The following NFYA variants were observed in gnomAD, a reference collection of about 807,000 sequenced individuals.
NFYA encodes the protein CAAT-box DNA binding protein subunit A.
Under a neutral mutation model 52.8 loss-of-function variants are expected in NFYA, and 28 were observed. That is an observed-to-expected ratio of 0.53 (90% CI 0.39 to 0.73). The LOEUF (loss-of-function observed/expected upper bound fraction) is 0.73, where lower values mean the gene tolerates loss of function less well. Ranked by LOEUF, NFYA falls within the 30% of genes least tolerant of loss-of-function variation. The pLI is 0.00. For missense variants in NFYA, 234 were observed against 427.0 expected (o/e 0.55, Z 3.98); for synonymous variants, 150 against 150.7 (o/e 1.00, Z 0.03).
intron 1 of NFYA, among the ~76,000 whole-genome samples, chr6:41,076,295 G>A (rs936099389): frequency 1.3e-5 from 2 of 152,132 alleles, no homozygotes; most frequent in Non-Finnish European, 2.9e-5. Context: ...GTTGTATAAA[G>A]GTAAATGCTG....
In NFYA at chr6:41,089,599, A is replaced by G. The variant is rs1764148058; in HGVS notation, c.330A>G (p.Gly110=). ...GLQQIQLVPP[G]QIQIQGGQAV... ...TGCAGATACAGTTGGTCCCACCTGGACAGATCCAGATCCAGGGTGGACAGG... is the reference window on the plus strand; with the variant it reads ...TGCAGATACAGTTGGTCCCACCTGGGCAGATCCAGATCCAGGGTGGACAGG... The change falls in exon 5 of 10, where the codon GGA becomes GGG. Residue 110 remains glycine, a synonymous_variant. Transcript: ENST00000341376. 4.3e-6 allele frequency: 7 copies of G among 1,612,516 alleles called. No homozygotes were observed. Among genetic ancestry groups the G allele is most frequent in the Non-Finnish European group, 5.9e-6 (7 of 1,179,944 alleles).
intron 4 of NFYA, among the ~76,000 whole-genome samples, 188 bp from the exon 5 acceptor site, chr6:41,089,391 C>T (rs989521279): frequency 6.6e-6 from 1 of 152,202 alleles, no homozygotes; most frequent in East Asian, 1.9e-4. Flanking sequence ...CAGACAGTGT[C>T]GAAATTCCCT....
intron 9 of NFYA, among the ~76,000 whole-genome samples, chr6:41,096,697 G>A (rs904413040): frequency 3.9e-5 from 6 of 152,154 alleles, no homozygotes; most frequent in Admixed American, 1.3e-4. Flanking sequence ...TGGTTCTTGC[G>A]GAGTGTTGCA....
rs769282285 is a variant in NFYA, at chr6:41,093,471, CTTTT to C, written c.888+397_888+400del. ...AAAGGGAACAAGAAAGGTACCCTTT[CTTTT>C]TTTTTTTTTTCCTGAGACTCAGTCT... On this transcript the variant is annotated intron_variant, in intron 8 of 9. Coordinates refer to ENST00000341376, the MANE Select transcript of NFYA (RefSeq NM_002505.5). 5.6e-5 allele frequency among the ~76,000 whole-genome samples: 8 copies of C among 142,612 alleles called. No homozygotes were observed. The South Asian group carries it at 1.8e-3, about 32-fold the overall frequency. 93.6% of individuals were successfully genotyped at this position (142,612 alleles called of 152,430 possible).
chr6:41,086,314 AG>A (rs1764042812), intron 4 of NFYA, among the ~76,000 whole-genome samples: 1 of 152,212 alleles, frequency 6.6e-6, no homozygotes, highest in South Asian at 2.1e-4. Flanking sequence ...GATGATATCT[AG>A]GGTTCATTCT....
chr6:41,099,794 G>T lies in NFYA; in HGVS notation c.*2384G>T, dbSNP rs1162113201. On this transcript the variant is annotated 3_prime_UTR_variant, in exon 10 of 10. Coordinates refer to ENST00000341376, the MANE Select transcript of NFYA (RefSeq NM_002505.5). ...GTACATTGAACATGTCAGTGTCGAT[G>T]CCACTGGACCAACAGAGCATTTTGT... 1 of 151,256 alleles carries T rather than the reference G, an allele frequency of 6.6e-6. No homozygotes were observed. Among genetic ancestry groups the T allele is most frequent in the East Asian group, 1.9e-4 (1 of 5,152 alleles). 9.4% of individuals were successfully genotyped at this position (151,256 alleles called of 1,614,324 possible). A position where few individuals can be genotyped will look rare whatever the true frequency, so the allele number is the denominator to read the frequency against.
At chr6:41,074,768 A>G (rs1763686946) in intron 1 of NFYA, among the ~76,000 whole-genome samples, 1 of 152,200 alleles carries the variant, frequency 6.6e-6, no homozygotes, top group South Asian at 2.1e-4. Context: ...ATCTAGAGCT[A>G]TATTTTTTCC....
intron 1 of NFYA, among the ~76,000 whole-genome samples, chr6:41,076,921 T>C (rs1008443372): frequency 2.0e-5 from 3 of 152,218 alleles, no homozygotes; most frequent in Admixed American, 6.5e-5. Flanking sequence ...CACTCTGTCA[T>C]TAATGTGAGA....
chr6:41,095,327 G>A (rs1764317970), intron 9 of NFYA, among the ~76,000 whole-genome samples: 2 of 152,116 alleles, frequency 1.3e-5, no homozygotes, highest in Admixed American at 1.3e-4. Context: ...TTCCTGCCAC[G>A]GGTCTTTGTC....
intron 7 of NFYA, among the ~76,000 whole-genome samples, chr6:41,092,628 A>T (rs1346043949): frequency 6.6e-6 from 1 of 152,088 alleles, no homozygotes; most frequent in African/African-American, 2.4e-5. Flanking sequence ...TGACCATTAG[A>T]TGGCAGCAGA....
intron 4 of NFYA, among the ~76,000 whole-genome samples, chr6:41,086,438 TTC>T (rs1764045762): frequency 6.6e-6 from 1 of 152,200 alleles, no homozygotes. Context: ...AAAAAATATA[TTC>T]TGTTACGTAA....
chr6:41,078,936 A>G, intron 1 of NFYA, 93 bp from the exon 2 acceptor site: 1 of 576,978 alleles, frequency 1.7e-6, no homozygotes, highest in South Asian at 2.7e-5. Flanking sequence ...TTTTCTTGCA[A>G]ATAAAGTACA....
chr6:41,094,469 C>T lies in NFYA; in HGVS notation c.962C>T (p.Pro321Leu). 1 of 1,614,082 alleles carries T rather than the reference C, an allele frequency of 6.2e-7. No homozygotes were observed. Among genetic ancestry groups the T allele is most frequent in the Non-Finnish European group, 8.5e-7 (1 of 1,179,950 alleles). ...KRGEGGRFFS[P>L]KEKDSPHMQD... ...GGTGAAGGTGGACGATTTTTCTCTC[C>T]AAAGGAAAAGGATAGTCCCCATATG... The change falls in exon 9 of 10, where the codon CCA becomes CTA. Residue 321 changes from proline to leucine, a missense_variant. Transcript: ENST00000341376.
chr6:41,094,292 T>G (rs551676903), intron 8 of NFYA, 104 bp from the exon 9 acceptor site: 142 of 925,676 alleles, frequency 1.5e-4, no homozygotes, highest in Non-Finnish European at 2.0e-4. Flanking sequence ...CTTGTGACTT[T>G]GATCCCAGCT....
At chr6:41,097,133 G>T (rs1046349132) in intron 9 of NFYA, among the ~76,000 whole-genome samples, 1 of 152,158 alleles carries the variant, frequency 6.6e-6, no homozygotes, top group Admixed American at 6.5e-5. Context: ...TTTCACCATG[G>T]AGTGCAGGCC....
intron 1 of NFYA, among the ~76,000 whole-genome samples, chr6:41,076,917 G>T (rs1264427608): frequency 6.6e-6 from 1 of 152,132 alleles, no homozygotes; most frequent in Non-Finnish European, 1.5e-5. Flanking sequence ...AAATCACTCT[G>T]TCATTAATGT....
At chr6:41,089,027 C>T (rs918041254) in intron 4 of NFYA, among the ~76,000 whole-genome samples, 6 of 151,958 alleles carry the variant, frequency 3.9e-5, no homozygotes, top group Admixed American at 1.3e-4. Flanking sequence ...GCTCTGTCGC[C>T]CAGGCTGGAG....
At chr6:41,089,768 T>A (rs1764151938) in intron 5 of NFYA, 58 bp downstream of exon 5, 1 of 1,581,082 alleles carries the variant, frequency 6.3e-7, no homozygotes, top group Non-Finnish European at 8.6e-7. Flanking sequence ...GTCAGATAAC[T>A]GAGTCAGATA....
chr6:41,093,838 C>G (rs1004481318), intron 8 of NFYA, among the ~76,000 whole-genome samples: 3 of 152,178 alleles, frequency 2.0e-5, no homozygotes, highest in African/African-American at 7.2e-5. Context: ...ATTTAGTTAC[C>G]TGATCACACC....
Sources: gnomAD v4.1 joint callset for allele counts (sites outside exome capture counted in the v4.1 genomes callset) on GRCh38, gnomAD v4.1.1 for gene constraint, MANE v1.5 for transcripts, NCBI Gene and HGNC (gene_info 2026-07-23, HGNC 2026-07-21) for gene names.